Variants in KSR2 observed in about 807,000 individuals in gnomAD.
KSR2 encodes the protein kinase suppressor of ras 2.
In KSR2, 25 loss-of-function variants were observed where a neutral mutation model predicts 107.8. The observed-to-expected ratio is 0.23, with a 90% confidence interval of 0.17 to 0.32. The LOEUF is 0.32. Ranked by LOEUF, KSR2 falls within the 10% of genes least tolerant of loss-of-function variation. KSR2 has a pLI of 1.00. For synonymous variants in KSR2, 480 were observed against 507.0 expected (o/e 0.95, Z 0.71); for missense variants, 887 against 1,268.9 (o/e 0.70, Z 4.57).
intron 1 of KSR2, among the ~76,000 whole-genome samples, chr12:117,958,684 G>A (rs183942714): frequency 2.6e-4 from 40 of 152,206 alleles, no homozygotes; most frequent in African/African-American, 9.1e-4. Context: ...AGCTGGGTGC[G>A]GTGGAATGCG....
At chr12:117,886,767 C>T (rs1240958255) in intron 1 of KSR2, among the ~76,000 whole-genome samples, 2 of 151,998 alleles carry the variant, frequency 1.3e-5, no homozygotes, top group African/African-American at 4.8e-5. Context: ...TAACAATATA[C>T]ATACACACAT....
intron 5 of KSR2, among the ~76,000 whole-genome samples, chr12:117,613,125 C>T (rs1225125633): frequency 1.3e-5 from 2 of 152,208 alleles, no homozygotes; most frequent in Admixed American, 6.5e-5. Context: ...GCTAGCAAAT[C>T]CTGACAAAGA....
At chr12:117,794,289 TCACACACCAACATGCA>T (rs1407094176) in intron 3 of KSR2, among the ~76,000 whole-genome samples, 9 of 13,706 alleles carry the variant, frequency 6.6e-4, no homozygotes, top group South Asian at 4.3e-3. Flanking sequence ...CAACATGCAC[TCACACACCAACATGCA>T]CACACACCAA....
chr12:117,554,756 C>T (rs1877540774), intron 9 of KSR2, among the ~76,000 whole-genome samples: 1 of 152,170 alleles, frequency 6.6e-6, no homozygotes, highest in Admixed American at 6.5e-5. Context: ...ACTGTGAGTC[C>T]ATGAAACCTC....
In KSR2 at chr12:117,859,139, C is replaced by CTTT. The variant is rs34697963; in HGVS notation, c.321+1149_321+1151dup. The stretch of plus-strand genomic sequence containing the variant: ...ATTTGGTGCCAGAATATGAGCTGAA[C>CTTT]TTTTTTTTTTTTTTTTTTTTTTTTT... On this transcript the variant is annotated intron_variant, in intron 2 of 19. Transcript: ENST00000339824. 8.6e-4 allele frequency among the ~76,000 whole-genome samples: 70 copies of CTTT among 81,118 alleles called. 1 individual carries two copies. Among genetic ancestry groups the CTTT allele is most frequent in the Non-Finnish European group, 1.1e-3 (51 of 45,734 alleles). 53.2% of individuals were successfully genotyped at this position (81,118 alleles called of 152,430 possible).
At chr12:117,470,972 G>C (rs1335929209) in intron 18 of KSR2, among the ~76,000 whole-genome samples, 2 of 152,214 alleles carry the variant, frequency 1.3e-5, no homozygotes, top group Non-Finnish European at 2.9e-5. Context: ...CTGACCACGT[G>C]TTACTGTGCC....
intron 4 of KSR2, among the ~76,000 whole-genome samples, chr12:117,735,130 G>A (rs1887891763): frequency 6.6e-6 from 1 of 152,200 alleles, no homozygotes; most frequent in South Asian, 2.1e-4. Flanking sequence ...TCTGACTCAA[G>A]CTGCCACCCA....
intron 1 of KSR2, among the ~76,000 whole-genome samples, chr12:117,926,280 C>A (rs190393965): frequency 3.3e-5 from 5 of 152,288 alleles, no homozygotes; most frequent in African/African-American, 1.2e-4. Context: ...CTTAGTGAAC[C>A]ATGTGAACCT....
chr12:117,927,695 A>G (rs139867082), intron 1 of KSR2, among the ~76,000 whole-genome samples: 1 of 152,234 alleles, frequency 6.6e-6, no homozygotes, highest in African/African-American at 2.4e-5. Flanking sequence ...TCAGTCTGGA[A>G]AAAAGGAAAA....
intron 2 of KSR2, among the ~76,000 whole-genome samples, chr12:117,859,150 T>C (rs1419861560): frequency 3.4e-5 from 5 of 147,126 alleles, no homozygotes; most frequent in African/African-American, 1.3e-4. Flanking sequence ...TTTTTTTTTT[T>C]TTTTTTTTTT....
At chr12:117,575,046 T>C (rs888628444) in intron 7 of KSR2, among the ~76,000 whole-genome samples, 2 of 152,206 alleles carry the variant, frequency 1.3e-5, no homozygotes, top group African/African-American at 4.8e-5. Flanking sequence ...ACCACTTGAA[T>C]TGAAACTGCA....
intron 4 of KSR2, among the ~76,000 whole-genome samples, chr12:117,679,066 C>T (rs944648752): frequency 9.9e-5 from 15 of 152,156 alleles, no homozygotes; most frequent in Admixed American, 6.5e-5. Flanking sequence ...TCTGTTTCCC[C>T]GTCTCCTTTC....
intron 7 of KSR2, among the ~76,000 whole-genome samples, chr12:117,577,465 T>C (rs1217487758): frequency 6.6e-6 from 1 of 152,180 alleles, no homozygotes; most frequent in Non-Finnish European, 1.5e-5. Context: ...TGTGCTGATT[T>C]ATCAAATGCT....
intron 5 of KSR2, among the ~76,000 whole-genome samples, chr12:117,652,480 T>G (rs1883944843): frequency 6.6e-6 from 1 of 152,040 alleles, no homozygotes; most frequent in Non-Finnish European, 1.5e-5. Context: ...AAAGGCTAAT[T>G]TGAATTATAA....
At chr12:117,697,739 CAAAAA>C (rs35764451) in intron 4 of KSR2, among the ~76,000 whole-genome samples, 1 of 66,380 alleles carries the variant, frequency 1.5e-5, no homozygotes. Flanking sequence ...GACTCCATCT[CAAAAA>C]AAAAAAAAAA....
intron 1 of KSR2, among the ~76,000 whole-genome samples, chr12:117,894,637 C>A (rs1204439004): frequency 2.0e-5 from 3 of 151,846 alleles, no homozygotes; most frequent in Admixed American, 2.0e-4. Context: ...GAGCAGACTT[C>A]CCCCTAGCTG....
rs1390798435 is a variant in KSR2, at chr12:117,761,169, C to A, written c.828G>T (p.Thr276=). 4.4e-6 allele frequency: 7 copies of A among 1,599,884 alleles called. No homozygotes were observed. The highest frequency in any genetic ancestry group is 1.7e-4 in the Middle Eastern group (1 of 6,018). ...NIVTTVTPPG[T]PPMRKKNKLK... ...GCTTGTTCTTCTTCCTCATGGGCGG[C>A]GTGCCCGGCGGGGTCACGGTGGTGA... is the stretch of plus-strand genomic sequence containing the variant. Residue 276 remains threonine, a synonymous_variant, in exon 4 of 20, where the codon ACG becomes ACT. Transcript: ENST00000339824.
intron 5 of KSR2, among the ~76,000 whole-genome samples, chr12:117,666,974 T>C (rs527755782): frequency 5.3e-5 from 8 of 152,204 alleles, no homozygotes; most frequent in Non-Finnish European, 1.2e-4. Flanking sequence ...CCTCAGGCCA[T>C]GCTCAACCCC....
chr12:117,523,115 C>T (rs1412851686), intron 14 of KSR2, among the ~76,000 whole-genome samples: 6 of 152,190 alleles, frequency 3.9e-5, no homozygotes, highest in South Asian at 2.1e-4. Flanking sequence ...ATTCAAAGCA[C>T]GAGTCACTCC....
Sources: allele counts gnomAD v4.1 joint callset (sites outside exome capture counted in the v4.1 genomes callset), GRCh38; gene constraint gnomAD v4.1.1; transcripts MANE v1.5; gene names NCBI Gene and HGNC (gene_info 2026-07-23, HGNC 2026-07-21).